SLC9D1: variants seen among roughly 807,000 people sequenced by gnomAD.
The protein encoded by SLC9D1 is solute carrier family 9 member D1.
the SLC9D1 span, among the ~76,000 whole-genome samples, chr13:113,544,613 G>T: frequency 2.8e-3 from 421 of 152,372 alleles, 3 homozygotes; most frequent in African/African-American, 9.7e-3. Context: ...CACTCAAACA[G>T]TAGATGATTA....
At chr13:113,506,449 G>A in the SLC9D1 span, among the ~76,000 whole-genome samples, 2 of 150,518 alleles carry the variant, frequency 1.3e-5, no homozygotes, top group African/African-American at 4.9e-5. Context: ...GCCTGTTATA[G>A]GGGGTTTGGG....
the SLC9D1 span, among the ~76,000 whole-genome samples, chr13:113,540,803 G>A: frequency 6.6e-6 from 1 of 152,174 alleles, no homozygotes; most frequent in African/African-American, 2.4e-5. Context: ...CCTTTGCCAA[G>A]GCCAACGTTC....
At chr13:113,493,887 T>A in the SLC9D1 span, among the ~76,000 whole-genome samples, 1 of 152,338 alleles carries the variant, frequency 6.6e-6, no homozygotes. Context: ...CAGGCTTTTT[T>A]AGTTCTCCTG....
chr13:113,536,445 G>T, the SLC9D1 span: 1 of 378,188 alleles, frequency 2.6e-6, no homozygotes, highest in Non-Finnish European at 3.6e-6. Flanking sequence ...ATTATGATTT[G>T]CTTCTGGTTG....
chr13:113,549,379 T>C, the SLC9D1 span: 1 of 1,603,462 alleles, frequency 6.2e-7, no homozygotes, highest in African/African-American at 1.3e-5. Context: ...TTGCAGGTGC[T>C]AGTCCTGACA....
chr13:113,506,636 G>A, the SLC9D1 span, among the ~76,000 whole-genome samples: 1 of 152,112 alleles, frequency 6.6e-6, no homozygotes, highest in South Asian at 2.1e-4. Flanking sequence ...AGGGGAGGTG[G>A]GAGGGATGAA....
the SLC9D1 span, among the ~76,000 whole-genome samples, chr13:113,544,362 CA>C: frequency 5.5e-3 from 843 of 152,330 alleles, 3 homozygotes; most frequent in Non-Finnish European, 8.3e-3. Context: ...CAGAAGGCAC[CA>C]CAGAGCAAGG....
At chr13:113,491,517 C>T in the SLC9D1 span, among the ~76,000 whole-genome samples, 1 of 151,802 alleles carries the variant, frequency 6.6e-6, no homozygotes, top group East Asian at 1.9e-4. Flanking sequence ...TGGGGCTCCC[C>T]TCCTCTCTCT....
the SLC9D1 span, among the ~76,000 whole-genome samples, chr13:113,546,624 C>G: frequency 6.6e-6 from 1 of 152,104 alleles, no homozygotes; most frequent in Admixed American, 6.5e-5. This position sits in a 1 kb window ranked among gnomAD's most constrained non-coding sequence, Gnocchi z 7.1. Context: ...GGGTCTGGGT[C>G]CTTCCGATCA....
chr13:113,537,788 G>A, the SLC9D1 span, among the ~76,000 whole-genome samples: 2 of 152,206 alleles, frequency 1.3e-5, no homozygotes, highest in Non-Finnish European at 2.9e-5. Context: ...GTGAGGGAGT[G>A]GATGAGGATT....
the SLC9D1 span, chr13:113,505,085 G>C: frequency 6.6e-6 from 1 of 152,008 alleles, no homozygotes; most frequent in Non-Finnish European, 1.5e-5. Context: ...TATGTCTGTT[G>C]GCCATTTGTA....
chr13:113,544,146 G>T, the SLC9D1 span, among the ~76,000 whole-genome samples: 2 of 152,246 alleles, frequency 1.3e-5, no homozygotes, highest in Non-Finnish European at 2.9e-5. Context: ...CAGCCGCAGA[G>T]ACTCCTCTGC....
chr13:113,547,181 G>T, the SLC9D1 span: 9 of 784,542 alleles, frequency 1.1e-5, no homozygotes, highest in Middle Eastern at 7.0e-4. Flanking sequence ...CGTGCACTTG[G>T]GAGGATTTAG....
the SLC9D1 span, among the ~76,000 whole-genome samples, chr13:113,543,163 T>TCCCCCTGCGCCCCTACCCTCC: frequency 9.0e-5 from 4 of 44,240 alleles, no homozygotes; most frequent in South Asian, 2.5e-3. Flanking sequence ...CCGCCCTACC[T>TCCCCCTGCGCCCCTACCCTCC]CTGTCCGGAC....
chr13:113,506,406 A>T, the SLC9D1 span, among the ~76,000 whole-genome samples: 1 of 31,096 alleles, frequency 3.2e-5, no homozygotes, highest in Non-Finnish European at 5.6e-5. Flanking sequence ...GGTAAGGGGG[A>T]GTGGGCCGCG....
At chr13:113,518,594 G>A in the SLC9D1 span, among the ~76,000 whole-genome samples, 5 of 152,208 alleles carry the variant, frequency 3.3e-5, no homozygotes, top group African/African-American at 7.2e-5. Flanking sequence ...TGGGGTGGCC[G>A]TGGCTCCTTT....
the SLC9D1 span, chr13:113,547,366 T>C: frequency 1.2e-6 from 2 of 1,613,566 alleles, no homozygotes; most frequent in Non-Finnish European, 1.7e-6. Context: ...ACCTTGTCAG[T>C]GGTGGTGATG....
the SLC9D1 span, among the ~76,000 whole-genome samples, chr13:113,544,761 C>T: frequency 8.5e-5 from 13 of 152,226 alleles, no homozygotes; most frequent in South Asian, 2.1e-4. Context: ...TAGGTTCTCA[C>T]GCATGTGGCC....
At chr13:113,535,555 C>G in the SLC9D1 span, among the ~76,000 whole-genome samples, 1 of 152,316 alleles carries the variant, frequency 6.6e-6, no homozygotes, top group African/African-American at 2.4e-5. This position sits in a 1 kb window ranked among gnomAD's most constrained non-coding sequence, Gnocchi z 4.1. Flanking sequence ...TCCAAAGGTA[C>G]TTCAGTGGGT....
Sources: allele counts gnomAD v4.1 joint callset (sites outside exome capture counted in the v4.1 genomes callset), GRCh38; gene constraint gnomAD v4.1.1; non-coding constraint Gnocchi (gnomAD v3.1); transcripts MANE v1.5; gene names NCBI Gene and HGNC (gene_info 2026-07-23, HGNC 2026-07-21).